The following RAD51D variants were observed in gnomAD, a reference collection of about 807,000 sequenced individuals.
The protein encoded by RAD51D is RAD51 paralog D, also known as DNA repair protein RAD51 homolog 4.
A neutral mutation model predicts 44.1 loss-of-function variants in RAD51D; 38 were observed. That is an observed-to-expected ratio of 0.86 (90% CI 0.67 to 1.13). The LOEUF (loss-of-function observed/expected upper bound fraction) is 1.13. Among genes scored for constraint, RAD51D ranks in the 50% most tolerant of loss-of-function variants. RAD51D has a pLI of 0.00. For synonymous variants in RAD51D, 141 were observed against 166.6 expected, an observed-to-expected ratio of 0.85 and a Z score of 1.18; for missense variants, 390 against 414.0, an observed-to-expected ratio of 0.94 and a Z score of 0.50.
rs1060502957 is a variant in RAD51D, at chr17:35,101,262, A to G, written c.842T>C (p.Ile281Thr). Residue 281 changes from isoleucine to threonine, a missense_variant, in exon 9 of 10, where the codon ATC becomes ACC. Transcript: ENST00000345365. ...VPSTRILLDT[I>T]EGAGASGGRR... ...GCCGCCTGATGCTCCTGCTCCCTCGATGGTGTCCAGGAGAATCCGAGTGCT... is the reference window on the plus strand; with the variant it reads ...GCCGCCTGATGCTCCTGCTCCCTCGGTGGTGTCCAGGAGAATCCGAGTGCT... 1.2e-6 allele frequency: 2 copies of G among 1,614,108 alleles called. No homozygotes were observed. Among genetic ancestry groups the G allele is most frequent in the Non-Finnish European group, 8.5e-7 (1 of 1,180,028 alleles).
In RAD51D at chr17:35,103,607, G is replaced by T. The variant is rs2091566271; in HGVS notation, c.577-63C>A. 1 of 1,340,156 alleles carries T rather than the reference G, an allele frequency of 7.5e-7. No individual in the cohort carries two copies. The highest frequency in any genetic ancestry group is 1.1e-6 in the Non-Finnish European group (1 of 936,508). 83.0% of individuals were successfully genotyped at this position (1,340,156 alleles called of 1,614,324 possible). A position where few individuals can be genotyped will look rare whatever the true frequency, so the allele number is the denominator to read the frequency against. On this transcript the variant is annotated intron_variant, in intron 6 of 9. Transcript: ENST00000345365. The surrounding 1 kb of genome is among the most constrained non-coding windows in gnomAD (Gnocchi z 4.1). ...GCCTCTAGGACACATTACAGGACAA[G>T]CTTGCTTTTCTATCTAAAACTAGTA...
Position 35,097,205 on chromosome 17 carries a change from C to T in RAD51D, c.*3748G>A, listed in dbSNP as rs2091491927. 1 of 152,090 alleles carries T rather than the reference C, an allele frequency of 6.6e-6. No homozygotes were observed. Among genetic ancestry groups the T allele is most frequent in the Admixed American group, 6.6e-5 (1 of 15,250 alleles). The allele number at this position is 152,090 out of a possible 1,614,324, so 9.4% of individuals were successfully genotyped here. On this transcript the variant is annotated 3_prime_UTR_variant, in exon 10 of 10. Coordinates refer to ENST00000345365, the MANE Select transcript of RAD51D (RefSeq NM_002878.4). ...CACAATCTCGGCTCACTGCAACCTC[C>T]ATCTCCCAGGTTCAAGCGATTCTCA... is the stretch of plus-strand genomic sequence containing the variant.
chr17:35,105,395 A>C (rs751297834), intron 6 of RAD51D, among the ~76,000 whole-genome samples: 5 of 152,174 alleles, frequency 3.3e-5, no homozygotes, highest in Admixed American at 6.5e-5. Context: ...GGCTCAAGCA[A>C]TCCTCCCGTC....
chr17:35,106,529 G>C, intron 5 of RAD51D, 48 bp from the exon 6 acceptor site: 1 of 1,408,152 alleles, frequency 7.1e-7, no homozygotes, highest in Non-Finnish European at 9.9e-7. Flanking sequence ...AGAGGGAGTA[G>C]GGGGGTCAAG....
At position 35,119,190 on chromosome 17, in the gene RAD51D, A is replaced by C. The variant is rs772607779; in HGVS notation, c.83-18T>G. ...GTCCACCACTGAAAACAAAACACGT[A>C]TAGCGGATTGGCAGAGAGGACTGGG... On this transcript the variant is annotated intron_variant, in intron 1 of 9. Coordinates refer to ENST00000345365, the MANE Select transcript of RAD51D (RefSeq NM_002878.4). 6.2e-7 allele frequency: 1 copy of C among 1,609,828 alleles called. No homozygotes were observed. The highest frequency in any genetic ancestry group is 1.3e-5 in the African/African-American group (1 of 74,836).
chr17:35,106,567 G>C (rs1251475073), intron 5 of RAD51D, 86 bp from the exon 6 acceptor site: 1 of 974,258 alleles, frequency 1.0e-6, no homozygotes, highest in Non-Finnish European at 1.6e-6. Flanking sequence ...GAGGCACCTG[G>C]ATGCAAGGAC....
At chr17:35,106,893 A>G in intron 5 of RAD51D, 95 bp downstream of exon 5, 2 of 1,576,710 alleles carry the variant, frequency 1.3e-6, no homozygotes, top group Non-Finnish European at 1.7e-6. Flanking sequence ...TTTGAAGGCA[A>G]GGAATGACTA....
chr17:35,100,037 A>G lies in RAD51D; in HGVS notation c.*916T>C, dbSNP rs1490447705. 1.9e-6 allele frequency: 1 copy of G among 531,828 alleles called. No homozygotes were observed. Among genetic ancestry groups the G allele is most frequent in the Non-Finnish European group, 3.6e-6 (1 of 274,922 alleles). 32.9% of individuals were successfully genotyped at this position (531,828 alleles called of 1,614,324 possible). On this transcript the variant is annotated 3_prime_UTR_variant, in exon 10 of 10. Coordinates refer to ENST00000345365, the MANE Select transcript of RAD51D (RefSeq NM_002878.4). Reference sequence around the variant, plus strand: ...CCATGTATTATTTACGTCAGCATCAATTTTCCCAGCTGGCTCTATTTACTG... The same window carrying G: ...CCATGTATTATTTACGTCAGCATCAGTTTTCCCAGCTGGCTCTATTTACTG...
rs534632384 is a variant in RAD51D at position 35,117,893 on chromosome 17, A to G, written c.263+608T>C. On this transcript the variant is annotated intron_variant, in intron 3 of 9. Coordinates refer to ENST00000345365, the MANE Select transcript of RAD51D (RefSeq NM_002878.4). ...CCACATACTCCCGCGCTTGAGCCTC[A>G]CCTTTGCCACTTGCTCCTCTTAGGC... Among the ~76,000 whole-genome samples the G allele has an allele frequency of 3.0e-4, 45 of 152,228 alleles. 2 individuals are homozygous for G. In the South Asian group the frequency reaches 8.9e-3, roughly 30 times the overall value.
chr17:35,101,417 A>ATTAC, intron 8 of RAD51D, 52 bp from the exon 9 acceptor site: 1 of 1,568,048 alleles, frequency 6.4e-7, no homozygotes, highest in Non-Finnish European at 8.7e-7. Context: ...GAGGACATCG[A>ATTAC]TTACTACCGC....
chr17:35,106,898 T>TG, intron 5 of RAD51D, 90 bp downstream of exon 5: 1 of 1,589,374 alleles, frequency 6.3e-7, no homozygotes, highest in Non-Finnish European at 8.6e-7. Flanking sequence ...AGGCAAGGAA[T>TG]GACTATTCAA....
rs1555570286 is a variant in RAD51D, at chr17:35,118,592, G to A, written c.172C>T (p.Leu58=). ...ACGGGGAAAGCCGAGAACTGAGCCA[G>A]CAGCACCCGCCTCAGGGCAACCAGG... The part of the protein sequence containing the change: ...KALVALRRVL[L]AQFSAFPVNG... Residue 58 remains leucine (L), a synonymous_variant, in exon 3 of 10, where the codon CTG becomes TTG. Coordinates refer to ENST00000345365, the MANE Select transcript of RAD51D (RefSeq NM_002878.4). 1.2e-6 allele frequency: 2 copies of A among 1,614,208 alleles called. No individual in the cohort carries two copies. The highest frequency in any genetic ancestry group is 2.7e-5 in the African/African-American group (2 of 75,078).
chr17:35,116,864 A>C (rs1437194893), intron 3 of RAD51D: 2 of 1,534,594 alleles, frequency 1.3e-6, no homozygotes, highest in Admixed American at 1.9e-5. Flanking sequence ...TGTACCGTGA[A>C]GTGCTGACCG....
At chr17:35,116,817 C>A in intron 3 of RAD51D, 4 of 1,409,198 alleles carry the variant, frequency 2.8e-6, no homozygotes, top group Non-Finnish European at 3.9e-6. Flanking sequence ...TAAACAGTAA[C>A]ATGCTCATTG....
intron 3 of RAD51D, among the ~76,000 whole-genome samples, chr17:35,107,737 CTTTTTT>C (rs34531142): frequency 1.1e-5 from 1 of 94,006 alleles, no homozygotes; most frequent in South Asian, 4.0e-4. Context: ...TGTGGGTTTC[CTTTTTT>C]TTTTTTTTTT....
chr17:35,119,255 T>C, intron 1 of RAD51D, 83 bp from the exon 2 acceptor site: 1 of 1,294,196 alleles, frequency 7.7e-7, no homozygotes, highest in South Asian at 1.2e-5. Flanking sequence ...TCAAATGGGG[T>C]GTCAATTCTA....
chr17:35,112,906 A>C (rs369934233), intron 3 of RAD51D, among the ~76,000 whole-genome samples: 2 of 152,214 alleles, frequency 1.3e-5, no homozygotes, highest in Non-Finnish European at 2.9e-5. Context: ...TGCCTGAAAC[A>C]CAGGAGGCAC....
At chr17:35,116,825 T>C (rs1213109956) in intron 3 of RAD51D, 6 of 1,435,240 alleles carry the variant, frequency 4.2e-6, no homozygotes, top group Middle Eastern at 1.7e-4. Flanking sequence ...AACATGCTCA[T>C]TGGTGGTTGT....
chr17:35,109,620 T>C (rs1055711538), intron 3 of RAD51D, among the ~76,000 whole-genome samples: 18 of 152,208 alleles, frequency 1.2e-4, no homozygotes, highest in African/African-American at 3.9e-4. Flanking sequence ...TATGAAATAA[T>C]AGCTCACTGT....
Sources: gnomAD v4.1 joint callset for allele counts (sites outside exome capture counted in the v4.1 genomes callset) on GRCh38, gnomAD v4.1.1 for gene constraint, Gnocchi (gnomAD v3.1) non-coding constraint, MANE v1.5 for transcripts, NCBI Gene and HGNC (gene_info 2026-07-23, HGNC 2026-07-21) for gene names.